GRIP1: variants seen among roughly 807,000 people sequenced by gnomAD.
GRIP1 encodes glutamate receptor interacting protein 1, also known as glutamate receptor-interacting protein 1.
In GRIP1, 45 loss-of-function variants were observed where a neutral mutation model predicts 129.9. The ratio of observed to expected loss-of-function variants is 0.35; its 90% CI spans 0.27 to 0.44. GRIP1 has a LOEUF of 0.44. GRIP1 is among the 20% of genes least tolerant of loss of function. GRIP1 has a pLI of 1.00. For synonymous variants in GRIP1, 530 were observed against 520.8 expected (o/e 1.02, Z -0.24); for missense variants, 1,196 against 1,396.8 (o/e 0.86, Z 2.29).
rs538637371 is a variant in GRIP1, at chr12:66,593,844, G to T, written c.136+3003C>A. On this transcript the variant is annotated intron_variant, in intron 2 of 24. Transcript: ENST00000359742. ...TGCACTTTGGGAGGCTGAGGTGGGC[G>T]GATCACGAGGTCATGAGATGGAGAC... is the stretch of plus-strand genomic sequence containing the variant. 4.3e-4 allele frequency among the ~76,000 whole-genome samples: 65 copies of T among 152,082 alleles called. 1 individual carries two copies. Among genetic ancestry groups the T allele is most frequent in the African/African-American group, 1.3e-3 (54 of 41,494 alleles).
chr12:66,497,619 A>C (rs1445024871), intron 7 of GRIP1, among the ~76,000 whole-genome samples: 1 of 152,114 alleles, frequency 6.6e-6, no homozygotes, highest in Non-Finnish European at 1.5e-5. Flanking sequence ...CATTGAATGG[A>C]AGTGATGTGA....
intron 1 of GRIP1, among the ~76,000 whole-genome samples, chr12:66,684,417 T>C (rs1001414022): frequency 1.3e-5 from 2 of 152,194 alleles, no homozygotes; most frequent in African/African-American, 4.8e-5. Context: ...AATGTCGGAA[T>C]TCCCCCAAGC....
chr12:66,785,518 A>G (rs1028347787), intron 1 of GRIP1, among the ~76,000 whole-genome samples: 1 of 151,408 alleles, frequency 6.6e-6, no homozygotes, highest in Non-Finnish European at 1.5e-5. Flanking sequence ...TCTCAAAAAG[A>G]AAAAGGTTGA....
chr12:66,522,525 A>T (rs531637329), intron 5 of GRIP1, among the ~76,000 whole-genome samples: 92 of 152,290 alleles, frequency 6.0e-4, no homozygotes, highest in African/African-American at 2.2e-3. Context: ...CACACCAAAA[A>T]CACATCTGTA....
At chr12:67,063,862 T>C (rs1473224449) in intron 1 of GRIP1, among the ~76,000 whole-genome samples, 1 of 152,204 alleles carries the variant, frequency 6.6e-6, no homozygotes, top group East Asian at 1.9e-4. Flanking sequence ...GTCTGTTAGG[T>C]AGCCAGAGTT....
intron 17 of GRIP1, among the ~76,000 whole-genome samples, 189 bp from the exon 18 acceptor site, chr12:66,393,005 C>T (rs988231554): frequency 1.3e-5 from 2 of 151,712 alleles, no homozygotes; most frequent in Non-Finnish European, 2.9e-5. Flanking sequence ...TTTTAGTTTC[C>T]AATAAAATTT....
chr12:66,706,373 C>T (rs1329113188), intron 1 of GRIP1, among the ~76,000 whole-genome samples: 1 of 151,680 alleles, frequency 6.6e-6, no homozygotes, highest in African/African-American at 2.4e-5. Flanking sequence ...ACAATAGATG[C>T]TGGTGAGGCT....
intron 23 of GRIP1, among the ~76,000 whole-genome samples, chr12:66,363,146 CACATATATACATAT>C (rs2054880409): frequency 7.2e-6 from 1 of 139,300 alleles, no homozygotes; most frequent in African/African-American, 2.8e-5. Context: ...CATATACACA[CACATATATACATAT>C]ATATACACAC....
chr12:66,828,861 T>C (rs536727826), intron 1 of GRIP1, among the ~76,000 whole-genome samples: 60 of 152,324 alleles, frequency 3.9e-4, no homozygotes, highest in Non-Finnish European at 5.9e-4. Context: ...TTTATTTTTG[T>C]TGGTATTGCT....
chr12:66,923,934 TC>T (rs2041254015), intron 1 of GRIP1, among the ~76,000 whole-genome samples: 1 of 152,142 alleles, frequency 6.6e-6, no homozygotes, highest in Admixed American at 6.5e-5. Context: ...AGCCTCCGCC[TC>T]CCAGGTTCAA....
chr12:67,004,306 C>A (rs1339154186), intron 1 of GRIP1, among the ~76,000 whole-genome samples: 1 of 152,176 alleles, frequency 6.6e-6, no homozygotes, highest in South Asian at 2.1e-4. Flanking sequence ...TTATATAGCA[C>A]ATTTGCAGGC....
rs546444453 is a variant in GRIP1 at position 66,957,156 on chromosome 12, A to C, written c.58+111894T>G. ...GGTCACTAGGAAGGTTCCCAATCCA[A>C]TATGACTGGTGTTCTAAAAAGAGGA... On this transcript the variant is annotated intron_variant, in intron 1 of 1. Coordinates refer to the GRIP1 transcript ENST00000643019. Among the ~76,000 whole-genome samples, 72 of 152,276 alleles carry C rather than the reference A, an allele frequency of 4.7e-4. 1 individual carries two copies. The highest frequency in any genetic ancestry group is 1.9e-3 in the South Asian group (9 of 4,826).
chr12:66,385,015 A>T (rs988739091), intron 19 of GRIP1, among the ~76,000 whole-genome samples: 2 of 152,332 alleles, frequency 1.3e-5, no homozygotes, highest in Middle Eastern at 3.4e-3. Flanking sequence ...TCTGAGGAAT[A>T]TTCCTTTACA....
chr12:66,809,604 A>C (rs894110305), intron 1 of GRIP1, among the ~76,000 whole-genome samples: 1 of 152,028 alleles, frequency 6.6e-6, no homozygotes, highest in South Asian at 2.1e-4. Context: ...ATCCCTTCTT[A>C]CTAACTGAAA....
intron 1 of GRIP1, among the ~76,000 whole-genome samples, chr12:67,020,300 T>C (rs2042846497): frequency 6.6e-6 from 1 of 152,206 alleles, no homozygotes; most frequent in South Asian, 2.1e-4. Flanking sequence ...TTTTTAAGCC[T>C]GCATATAACA....
chr12:66,416,242 T>C (rs111560406), intron 15 of GRIP1, among the ~76,000 whole-genome samples: 329 of 151,994 alleles, frequency 2.2e-3, no homozygotes, highest in African/African-American at 7.7e-3. Flanking sequence ...CTAAAGCCAA[T>C]GAGATACAGC....
intron 1 of GRIP1, among the ~76,000 whole-genome samples, chr12:66,932,298 T>C (rs1289873958): frequency 2.0e-5 from 3 of 152,184 alleles, no homozygotes; most frequent in African/African-American, 7.2e-5. Flanking sequence ...CCACAGACAT[T>C]CATCCCATTA....
intron 1 of GRIP1, among the ~76,000 whole-genome samples, chr12:66,829,346 C>T (rs1389023293): frequency 1.3e-5 from 2 of 152,150 alleles, no homozygotes; most frequent in Non-Finnish European, 2.9e-5. Context: ...GGGACAGATT[C>T]TTCCCTAAAG....
chr12:66,570,068 A>C (rs2062906028), intron 2 of GRIP1, among the ~76,000 whole-genome samples: 1 of 151,978 alleles, frequency 6.6e-6, no homozygotes, highest in Non-Finnish European at 1.5e-5. Flanking sequence ...CACAGTTGTT[A>C]AAATGTGTAT....
Sources: allele counts gnomAD v4.1 joint callset (sites outside exome capture counted in the v4.1 genomes callset), GRCh38; gene constraint gnomAD v4.1.1; transcripts MANE v1.5; gene names NCBI Gene and HGNC (gene_info 2026-07-23, HGNC 2026-07-21).